Variants in CCT3 observed in about 807,000 individuals in gnomAD.
The protein encoded by CCT3 is chaperonin containing TCP1 subunit 3, also known as T-complex protein 1 subunit gamma.
In CCT3, 10 loss-of-function variants were observed where a neutral mutation model predicts 65.3. The observed-to-expected ratio is 0.15, with a 90% CI of 0.09 to 0.26. The LOEUF (loss-of-function observed/expected upper bound fraction) is 0.26, where lower values mean the gene tolerates loss of function less well. Among genes scored for constraint, CCT3 ranks in the 10% least tolerant of loss-of-function variants. The probability of loss-of-function intolerance (pLI) is 1.00; values close to 1 mark genes in which losing one functional copy is unlikely to be tolerated. For synonymous variants in CCT3, 225 were observed against 242.3 expected (o/e 0.93, Z 0.66); for missense variants, 626 against 708.7 (o/e 0.88, Z 1.33).
At chr1:156,332,290 G>A (rs1353981831) in intron 5 of CCT3, among the ~76,000 whole-genome samples, 4 of 152,176 alleles carry the variant, frequency 2.6e-5, no homozygotes, top group Admixed American at 1.3e-4. Flanking sequence ...GGGATTACAG[G>A]TGTCAGCCAC....
chr1:156,322,169 T>C (rs1346663615), intron 6 of CCT3, among the ~76,000 whole-genome samples: 2 of 152,176 alleles, frequency 1.3e-5, no homozygotes, highest in Admixed American at 6.6e-5. Context: ...GCCCAGGAGC[T>C]GGAAGCTGCA....
At chr1:156,337,068 T>C (rs1665418172) in intron 1 of CCT3, 1 of 1,284,564 alleles carries the variant, frequency 7.8e-7, no homozygotes, top group Non-Finnish European at 1.0e-6. Context: ...ACACACAGAA[T>C]GGAAACATAC....
intron 8 of CCT3, 65 bp from the exon 9 acceptor site, chr1:156,317,612 T>C (rs2296374): frequency 0.51 from 757,507 of 1,499,868 alleles, 193,116 homozygotes; most frequent in Admixed American, 0.65. Flanking sequence ...AAGGGTCATA[T>C]TATACTCCTT....
At chr1:156,325,987 T>C (rs1664788478) in intron 5 of CCT3, among the ~76,000 whole-genome samples, 1 of 152,164 alleles carries the variant, frequency 6.6e-6, no homozygotes, top group African/African-American at 2.4e-5. Flanking sequence ...TACCTTAGGA[T>C]GTAGTCAAAC....
rs558392115 is a variant in CCT3 at position 156,323,707 on chromosome 1, C to T, written c.422+1265G>A. 3.0e-4 allele frequency among the ~76,000 whole-genome samples: 46 copies of T among 151,984 alleles called. No homozygotes were observed. In the East Asian group the frequency reaches 7.8e-3, roughly 26 times the overall value. On this transcript the variant is annotated intron_variant, in intron 6 of 13. Coordinates refer to ENST00000295688, the MANE Select transcript of CCT3 (RefSeq NM_005998.5). ...GTCTCAATCTCCTGACCTCGTGATC[C>T]GCCCGCCTCCGCCTCCCAAAGTGCT...
At chr1:156,335,722 T>C (rs759445035) in intron 2 of CCT3, 105 bp downstream of exon 2, 6 of 857,100 alleles carry the variant, frequency 7.0e-6, no homozygotes, top group East Asian at 2.5e-5. Flanking sequence ...CTCTGCCTAT[T>C]TGCCTACTCT....
At chr1:156,318,027 A>G (rs966139998) in intron 8 of CCT3, among the ~76,000 whole-genome samples, 1 of 151,898 alleles carries the variant, frequency 6.6e-6, no homozygotes, top group Non-Finnish European at 1.5e-5. Flanking sequence ...CAGTTATATC[A>G]TTATAAAACA....
chr1:156,329,658 G>A (rs568223219), intron 5 of CCT3, among the ~76,000 whole-genome samples: 1 of 151,834 alleles, frequency 6.6e-6, no homozygotes, highest in Non-Finnish European at 1.5e-5. Context: ...TGGCTGAGTG[G>A]CTGGGCATGG....
intron 6 of CCT3, 21 bp downstream of exon 6, chr1:156,324,951 T>A: frequency 6.7e-7 from 1 of 1,492,282 alleles, no homozygotes; most frequent in Middle Eastern, 1.7e-4. Context: ...TGATACTACC[T>A]ATTTCTTGCC....
chr1:156,312,170 A>G lies in CCT3; in HGVS notation c.1026T>C (p.Asp342=). 1 of 1,614,122 alleles carries G rather than the reference A, an allele frequency of 6.2e-7. No homozygotes were observed. The highest frequency in any genetic ancestry group is 8.5e-7 in the Non-Finnish European group (1 of 1,180,002). The change falls in exon 11 of 14, where the codon GAT becomes GAC. Residue 342 remains aspartate (D), a synonymous_variant. Coordinates refer to ENST00000295688, the MANE Select transcript of CCT3 (RefSeq NM_005998.5). ...CCAACAGGCCTGCTCCTGTTCCAAC[A>G]TCATCTTCTCTCAGTTCCTCTGGTC... is the stretch of plus-strand genomic sequence containing the variant. ...VSRPEELRED[D]VGTGAGLLEI...
chr1:156,310,495 TAAATA>T, intron 13 of CCT3, 58 bp downstream of exon 13: 1 of 1,288,538 alleles, frequency 7.8e-7, no homozygotes, highest in Admixed American at 2.8e-5. Context: ...GTCTCAAAAA[TAAATA>T]AATAGATAAA....
intron 1 of CCT3, 72 bp downstream of exon 1, chr1:156,338,082 G>T: frequency 6.6e-7 from 1 of 1,511,326 alleles, no homozygotes; most frequent in Non-Finnish European, 9.0e-7. Context: ...GGACGGAGCT[G>T]GGGCAACACT....
At chr1:156,337,065 G>C (rs1043260693) in intron 1 of CCT3, 2 of 1,284,886 alleles carry the variant, frequency 1.6e-6, no homozygotes, top group African/African-American at 3.1e-5. Context: ...GTTACACACA[G>C]AATGGAAACA....
rs1665205796 is a variant in CCT3 at position 156,333,620 on chromosome 1, G to C, written c.231C>G (p.Ala77=). 8.7e-6 allele frequency: 14 copies of C among 1,613,818 alleles called. No individual in the cohort carries two copies. Among genetic ancestry groups the C allele is most frequent in the Non-Finnish European group, 1.2e-5 (14 of 1,179,892 alleles). ...TCCGGCTAATTTCGATCATGGACTT[G>C]GCCGCTGGATGCTGGACTTGAATCT... is the stretch of plus-strand genomic sequence containing the variant. ...LREIQVQHPA[A]KSMIEISRTQ... Residue 77 remains alanine, a synonymous_variant, in exon 5 of 14, where the codon GCC becomes GCG. Transcript: ENST00000295688.
intron 5 of CCT3, among the ~76,000 whole-genome samples, chr1:156,328,198 T>TA (rs1664936375): frequency 1.0e-5 from 1 of 98,858 alleles, no homozygotes; most frequent in Non-Finnish European, 2.2e-5. Context: ...GGGAGGGAGG[T>TA]GGGGGGGGTC....
chr1:156,337,091 A>G (rs1316445540), intron 1 of CCT3: 1 of 1,285,828 alleles, frequency 7.8e-7, no homozygotes, highest in South Asian at 1.2e-5. Flanking sequence ...AAGGAAGACA[A>G]TGGAGGTGGT....
chr1:156,331,104 C>G (rs1392862524), intron 5 of CCT3, among the ~76,000 whole-genome samples: 2 of 151,480 alleles, frequency 1.3e-5, no homozygotes, highest in Non-Finnish European at 2.9e-5. Context: ...CGGTGGTGGG[C>G]ATCTGTAATC....
At chr1:156,327,067 T>C (rs1664845921) in intron 5 of CCT3, among the ~76,000 whole-genome samples, 2 of 152,076 alleles carry the variant, frequency 1.3e-5, no homozygotes, top group African/African-American at 4.8e-5. Flanking sequence ...ACAAATAAAA[T>C]TTGTCTTTAC....
In CCT3 at chr1:156,338,253, C is replaced by T; in HGVS notation, c.-69G>A. 6.8e-7 allele frequency: 1 copy of T among 1,464,534 alleles called. No individual in the cohort carries two copies. Among genetic ancestry groups the T allele is most frequent in the South Asian group, 1.2e-5 (1 of 82,662 alleles). The allele number at this position is 1,464,534 out of a possible 1,614,324, so 90.7% of individuals were successfully genotyped here. ...GCAGAACCTTCTGGAGAGAGAGAAC[C>T]AGACAGAAGCCCAGAAAACGCTGCC... On this transcript the variant is annotated 5_prime_UTR_variant, in exon 1 of 14. Transcript: ENST00000295688.
Sources: allele counts gnomAD v4.1 joint callset (sites outside exome capture counted in the v4.1 genomes callset), GRCh38; gene constraint gnomAD v4.1.1; transcripts MANE v1.5; gene names NCBI Gene and HGNC (gene_info 2026-07-23, HGNC 2026-07-21).